The following NPC1L1 variants were observed in gnomAD, a reference collection of about 807,000 sequenced individuals.
NPC1L1 encodes the protein NPC1-like intracellular cholesterol transporter 1.
In NPC1L1, 98 loss-of-function variants were observed where a neutral mutation model predicts 117.0. The observed-to-expected ratio is 0.84, with a 90% CI of 0.71 to 0.99. The LOEUF (loss-of-function observed/expected upper bound fraction) is 0.99, where lower values mean the gene tolerates loss of function less well. Among genes scored for constraint, NPC1L1 ranks in the 50% least tolerant of loss-of-function variants. The probability of loss-of-function intolerance (pLI) is 0.00; values close to 1 mark genes in which losing one functional copy is unlikely to be tolerated. For missense variants in NPC1L1, 1,540 were observed against 1,710.0 expected (o/e 0.90, Z 1.75); for synonymous variants, 729 against 727.6 (o/e 1.00, Z -0.03).
rs150113044 is a variant in NPC1L1 at position 44,533,762 on chromosome 7, G to A, written c.2258C>T (p.Ser753Phe). Reference sequence around the variant, plus strand: ...ACCTAGGAAGAAGCAGATGGCCTCAGAGAGGCTGCACAACAGCATGCTGGG... The same window carrying A: ...ACCTAGGAAGAAGCAGATGGCCTCAAAGAGGCTGCACAACAGCATGCTGGG... ...VAPSMLLCSLSEAICFFLGAL... is the reference protein window; with the variant it reads ...VAPSMLLCSLFEAICFFLGAL... Residue 753 changes from serine to phenylalanine, a missense_variant, in exon 7 of 19, where the codon TCT (serine) becomes TTT (phenylalanine). Ser to Phe is a radical substitution (Grantham distance 155). Transcript: ENST00000381160. 5.6e-6 allele frequency: 9 copies of A among 1,614,118 alleles called. No homozygotes were observed. The highest frequency in any genetic ancestry group is 6.8e-6 in the Non-Finnish European group (8 of 1,179,994).
Position 44,513,330 on chromosome 7 carries a change from A to G in NPC1L1, c.*117T>C, listed in dbSNP as rs1048266582. On this transcript the variant is annotated 3_prime_UTR_variant, in exon 19 of 19. Transcript: ENST00000381160. ...CCATCCTCCAGTGACAGGCAGTCTCATGGGAATGGCCTCCCCTAGGATTTG... is the reference window on the plus strand; with the variant it reads ...CCATCCTCCAGTGACAGGCAGTCTCGTGGGAATGGCCTCCCCTAGGATTTG... 3.2e-5 allele frequency: 31 copies of G among 980,958 alleles called. No homozygotes were observed. Among genetic ancestry groups the G allele is most frequent in the Admixed American group, 9.3e-5 (5 of 53,478 alleles). 60.8% of individuals were successfully genotyped at this position (980,958 alleles called of 1,614,324 possible). A position where few individuals can be genotyped will look rare whatever the true frequency, so the allele number is the denominator to read the frequency against.
At position 44,516,205 on chromosome 7, in the gene NPC1L1, CAG is replaced by C; in HGVS notation, c.3520-10_3520-9del. The C allele has an allele frequency of 6.3e-7, 1 of 1,592,982 alleles. No individual in the cohort carries two copies. Among genetic ancestry groups the C allele is most frequent in the Non-Finnish European group, 8.6e-7 (1 of 1,169,062 alleles). ...CACAGACATGCCCACCGCCTATGGG[CAG>C]AGAGGGGGCATAAGCCAAGAAAGGC... is the stretch of plus-strand genomic sequence containing the variant. On this transcript the variant is annotated splice_polypyrimidine_tract_variant and intron_variant, in intron 16 of 18. Coordinates refer to ENST00000381160, the MANE Select transcript of NPC1L1 (RefSeq NM_001101648.2).
intron 10 of NPC1L1, among the ~76,000 whole-genome samples, chr7:44,525,441 A>T (rs1801482358): frequency 1.3e-5 from 2 of 152,182 alleles, no homozygotes; most frequent in Non-Finnish European, 2.9e-5. Flanking sequence ...TATTTTTAGT[A>T]GAGATGGGGT....
rs1801072204 is a variant in NPC1L1, at chr7:44,512,661, G to A, written c.*786C>T. On this transcript the variant is annotated 3_prime_UTR_variant, in exon 19 of 19. Transcript: ENST00000381160. ...CGGGTTGGGCTGGTTTGAGGCCTGG[G>A]ATCCAGGCCCGAGGTGAAGATGGGA... 6.6e-6 allele frequency: 1 copy of A among 152,572 alleles called. No homozygotes were observed. Among genetic ancestry groups the A allele is most frequent in the Non-Finnish European group, 1.5e-5 (1 of 68,348 alleles). The allele number at this position is 152,572 out of a possible 1,614,324, so 9.5% of individuals were successfully genotyped here. A position where few individuals can be genotyped will look rare whatever the true frequency, so the allele number is the denominator to read the frequency against.
At chr7:44,522,277 G>A (rs747838710) in intron 10 of NPC1L1, 35 bp from the exon 11 acceptor site, 25 of 1,588,292 alleles carry the variant, frequency 1.6e-5, no homozygotes, top group South Asian at 3.4e-5. Flanking sequence ...GCTTTGGTTC[G>A]CTATGCACAC....
In NPC1L1 at chr7:44,517,224, A is replaced by G; in HGVS notation, c.3270T>C (p.Phe1090=). Residue 1090 remains phenylalanine, a synonymous_variant, in exon 15 of 19, where the codon TTT becomes TTC. Transcript: ENST00000381160. ...LRKVPGTDPA[F]EVFPYTITNV... ...GTCCTCACGTGTAGGGGAAGACCTCAAAAGCCGGGTCTGTTCCAGGCACTT... is the reference window on the plus strand; with the variant it reads ...GTCCTCACGTGTAGGGGAAGACCTCGAAAGCCGGGTCTGTTCCAGGCACTT... 1 of 1,613,972 alleles carries G rather than the reference A, an allele frequency of 6.2e-7. No individual in the cohort carries two copies. The highest frequency in any genetic ancestry group is 8.5e-7 in the Non-Finnish European group (1 of 1,179,974).
intron 2 of NPC1L1, among the ~76,000 whole-genome samples, chr7:44,537,717 A>G (rs1427637003): frequency 6.6e-6 from 1 of 152,112 alleles, no homozygotes; most frequent in Non-Finnish European, 1.5e-5. Context: ...AGATAATTGG[A>G]CCACCCGAGA....
intron 2 of NPC1L1, among the ~76,000 whole-genome samples, chr7:44,537,318 G>T (rs1331986755): frequency 6.6e-6 from 1 of 152,182 alleles, no homozygotes; most frequent in African/African-American, 2.4e-5. Flanking sequence ...ACTCTGGATT[G>T]AGCGTCACAC....
intron 10 of NPC1L1, among the ~76,000 whole-genome samples, chr7:44,525,959 A>T (rs1393827109): frequency 6.6e-6 from 1 of 151,846 alleles, no homozygotes; most frequent in Non-Finnish European, 1.5e-5. Context: ...TGAGGTCAGG[A>T]GTTTGAGACC....
rs777089351 is a variant in NPC1L1 at position 44,531,847 on chromosome 7, G to A, written c.2548-3C>T. 6.3e-7 allele frequency: 1 copy of A among 1,577,240 alleles called. No homozygotes were observed. Among genetic ancestry groups the A allele is most frequent in the Non-Finnish European group, 8.6e-7 (1 of 1,161,252 alleles). On this transcript the variant is annotated splice_region_variant and splice_polypyrimidine_tract_variant and intron_variant, in intron 9 of 18. Transcript: ENST00000381160. ...AACAGGGCGAGAAACAGCAGCAGCT[G>A]AGAAGGGACCTGCTGCATGAGACCA...
intron 8 of NPC1L1, 110 bp downstream of exon 8, chr7:44,533,321 T>C: frequency 7.5e-7 from 1 of 1,326,100 alleles, no homozygotes; most frequent in Non-Finnish European, 1.1e-6. Flanking sequence ...AATGCCCCTG[T>C]CCCCCACCCC....
chr7:44,540,201 T>C lies in NPC1L1; in HGVS notation c.196A>G (p.Ile66Val). The C allele has an allele frequency of 6.2e-7, 1 of 1,613,986 alleles. No homozygotes were observed. Among genetic ancestry groups the C allele is most frequent in the Middle Eastern group, 1.6e-4 (1 of 6,062 alleles). The part of the protein sequence containing the change: ...SCLSNTPARK[I>V]TGDHLILLQK... ...AATAGGATCAGGTGATCACCTGTGA[T>C]CTTGCGGGCCGGCGTGTTGGACAGG... The change falls in exon 2 of 19, where the codon ATC (isoleucine) becomes GTC (valine). Residue 66 changes from isoleucine to valine, a missense_variant. Ile to Val is a conservative substitution (Grantham distance 29). This residue lies in a region of NPC1L1 where 793 missense variants were observed against 820.4 expected (regional missense o/e 0.97). Coordinates refer to ENST00000381160, the MANE Select transcript of NPC1L1 (RefSeq NM_001101648.2).
At chr7:44,533,407 C>T (rs754903090) in intron 8 of NPC1L1, 24 bp downstream of exon 8, 11 of 1,613,154 alleles carry the variant, frequency 6.8e-6, no homozygotes, top group South Asian at 1.1e-5. Context: ...GCAGGTCCCT[C>T]AGTACTGGCC....
intron 10 of NPC1L1, among the ~76,000 whole-genome samples, chr7:44,529,087 A>T (rs1270176178): frequency 6.7e-6 from 1 of 149,004 alleles, no homozygotes; most frequent in Admixed American, 6.8e-5. Flanking sequence ...AAAAAAGAAA[A>T]AAAAGAGTGG....
chr7:44,541,124 T>A (rs1802089788), intron 1 of NPC1L1, 82 bp downstream of exon 1: 1 of 1,454,692 alleles, frequency 6.9e-7, no homozygotes, highest in Non-Finnish European at 9.4e-7. Flanking sequence ...TGTCACCCAG[T>A]AACGCTCGCC....
chr7:44,532,848 C>T (rs889174326), intron 8 of NPC1L1, among the ~76,000 whole-genome samples: 1 of 152,160 alleles, frequency 6.6e-6, no homozygotes, highest in Non-Finnish European at 1.5e-5. Context: ...CATGGTGGCT[C>T]ACGCCAGCAC....
chr7:44,517,520 C>T (rs539564274), intron 14 of NPC1L1, among the ~76,000 whole-genome samples, 163 bp from the exon 15 acceptor site: 26 of 152,172 alleles, frequency 1.7e-4, no homozygotes, highest in African/African-American at 6.3e-4. Flanking sequence ...TGCAAGAGGC[C>T]CATATTTTTG....
chr7:44,518,603 A>G (rs1487413482), intron 14 of NPC1L1: 1 of 562,124 alleles, frequency 1.8e-6, no homozygotes, highest in African/African-American at 2.0e-5. Context: ...CAGGAGGTAG[A>G]GGTTGCAGTG....
At chr7:44,519,664 C>T (rs1261568336) in intron 14 of NPC1L1, among the ~76,000 whole-genome samples, 1 of 152,190 alleles carries the variant, frequency 6.6e-6, no homozygotes, top group African/African-American at 2.4e-5. Context: ...CCTTAGGGCC[C>T]CTACACCGAG....
Sources: gnomAD v4.1 joint callset for allele counts (sites outside exome capture counted in the v4.1 genomes callset) on GRCh38, gnomAD v4.1.1 for gene constraint, gnomAD v4.1.1 regional missense constraint, MANE v1.5 for transcripts, NCBI Gene and HGNC (gene_info 2026-07-23, HGNC 2026-07-21) for gene names.